Variants in EPB41L3 observed in about 807,000 individuals in gnomAD.
EPB41L3 encodes the protein erythrocyte membrane protein band 4.1 like 3.
In EPB41L3, 57 loss-of-function variants were observed where a neutral mutation model predicts 127.1. That is an observed-to-expected ratio of 0.45 (90% CI 0.36 to 0.56). EPB41L3 has a LOEUF of 0.56. EPB41L3 is among the 20% of genes least tolerant of loss of function. The pLI, the probability that EPB41L3 is intolerant of heterozygous loss-of-function variation, is 0.00. For missense variants in EPB41L3, 1,273 were observed against 1,372.2 expected (o/e 0.93, Z 1.14); for synonymous variants, 572 against 549.5 (o/e 1.04, Z -0.57).
At chr18:5,419,649 A>C in intron 12 of EPB41L3, 62 bp downstream of exon 12, 2 of 1,601,408 alleles carry the variant, frequency 1.2e-6, no homozygotes, top group Non-Finnish European at 1.7e-6. Context: ...TTACAGCCTC[A>C]GCATCATTTA....
chr18:5,544,277 C>T (rs1280130068), upstream of EPB41L3: 6 of 985,436 alleles, frequency 6.1e-6, no homozygotes, highest in South Asian at 2.3e-4. Context: ...TAGCTTTAGC[C>T]CTTTATTCCC....
intron 11 of EPB41L3, among the ~76,000 whole-genome samples, chr18:5,421,015 T>A (rs1408554910): frequency 1.3e-5 from 2 of 152,214 alleles, no homozygotes; most frequent in African/African-American, 4.8e-5. Flanking sequence ...CTCTGTGAGA[T>A]GCAACCTTGC....
chr18:5,514,305 T>A (rs576961790), intron 1 of EPB41L3, among the ~76,000 whole-genome samples: 37 of 152,346 alleles, frequency 2.4e-4, no homozygotes, highest in African/African-American at 7.9e-4. Flanking sequence ...AGTTCATATA[T>A]GTTTTTATAT....
chr18:5,530,836 C>G (rs1211123911), intron 1 of EPB41L3, among the ~76,000 whole-genome samples: 1 of 152,158 alleles, frequency 6.6e-6, no homozygotes, highest in Non-Finnish European at 1.5e-5. Flanking sequence ...ACTTGGGAGG[C>G]AACAATTAAT....
intron 3 of EPB41L3, among the ~76,000 whole-genome samples, chr18:5,552,197 A>G (rs896989446): frequency 1.6e-4 from 25 of 152,380 alleles, no homozygotes; most frequent in African/African-American, 6.0e-4. Context: ...AGTGCCTGCC[A>G]TCAGATTTGT....
chr18:5,519,906 C>T (rs2092917493), intron 1 of EPB41L3, among the ~76,000 whole-genome samples: 1 of 152,154 alleles, frequency 6.6e-6, no homozygotes. Context: ...ATCTGCACAG[C>T]ACTGTACAAA....
chr18:5,400,322 C>A, intron 16 of EPB41L3: 1 of 322,960 alleles, frequency 3.1e-6, no homozygotes, highest in South Asian at 2.5e-5. Context: ...AGATATCAAA[C>A]CAGGAGCAGG....
intron 3 of EPB41L3, among the ~76,000 whole-genome samples, chr18:5,556,887 A>G (rs953258923): frequency 6.6e-6 from 1 of 152,310 alleles, no homozygotes; most frequent in African/African-American, 2.4e-5. Flanking sequence ...GCACTCAGTA[A>G]GCTCTCAATG....
In EPB41L3 at chr18:5,428,323, C is replaced by A. The variant is rs377615645; in HGVS notation, c.1055G>T (p.Arg352Leu). ...TGTGGGTATACTTACCTCTCCCGGC[C>A]GGATCTTAATGTAAAAGTTGTTCCG... ...YKRNNFYIKI[R>L]PGEFEQFEST... Residue 352 changes from arginine to leucine, a missense_variant, in exon 9 of 23, where the codon CGG becomes CTG. This residue lies in a region of EPB41L3 where 326 missense variants were observed against 440.2 expected (regional missense o/e 0.74). Coordinates refer to ENST00000341928, the MANE Select transcript of EPB41L3 (RefSeq NM_012307.5). 2 of 1,613,964 alleles carry A rather than the reference C, an allele frequency of 1.2e-6. No homozygotes were observed. Among genetic ancestry groups the A allele is most frequent in the African/African-American group, 1.3e-5 (1 of 74,886 alleles).
Position 5,543,660 on chromosome 18 carries a change from C to G in EPB41L3, c.-12+253G>C, listed in dbSNP as rs1454192583. On this transcript the variant is annotated intron_variant, in intron 1 of 22. Transcript: ENST00000341928. The surrounding 1 kb of genome is among the most constrained non-coding windows in gnomAD (Gnocchi z 5.2). The stretch of plus-strand genomic sequence containing the variant: ...CGCGCCGGCCCAGCCACTACTGCGC[C>G]GCGGCGGGCGGAGCGGGCGGGGGGC... 3.1e-4 allele frequency among the ~76,000 whole-genome samples: 45 copies of G among 147,022 alleles called. No homozygotes were observed. Among genetic ancestry groups the G allele is most frequent in the African/African-American group, 1.1e-3 (45 of 40,994 alleles).
intron 3 of EPB41L3, chr18:5,466,493 A>G (rs1022760309): frequency 6.6e-6 from 1 of 152,146 alleles, no homozygotes; most frequent in Admixed American, 6.5e-5. Context: ...AGCATACTAT[A>G]TTTCATTCTT....
rs373933704 is a variant in EPB41L3, at chr18:5,446,749, G to A, written c.382-1505C>T. Reference sequence around the variant, plus strand: ...CTAAATCATAGCTAGCTAAATAATCGATGATGTATTTGGAAAAAACAGTTC... The same window carrying A: ...CTAAATCATAGCTAGCTAAATAATCAATGATGTATTTGGAAAAAACAGTTC... On this transcript the variant is annotated intron_variant, in intron 3 of 22. Transcript: ENST00000341928. Among the ~76,000 whole-genome samples the A allele has an allele frequency of 2.6e-5, 4 of 152,214 alleles. No individual in the cohort carries two copies. The East Asian group carries it at 5.8e-4, about 22-fold the overall frequency.
At chr18:5,563,195 G>T (rs1263011952) in intron 3 of EPB41L3, among the ~76,000 whole-genome samples, 1 of 152,182 alleles carries the variant, frequency 6.6e-6, no homozygotes, top group African/African-American at 2.4e-5. Context: ...AAGAAGAGAG[G>T]ACGGGAACAT....
At chr18:5,533,998 A>G (rs1330429183) in intron 1 of EPB41L3, among the ~76,000 whole-genome samples, 1 of 152,074 alleles carries the variant, frequency 6.6e-6, no homozygotes, top group Non-Finnish European at 1.5e-5. Flanking sequence ...CCCCGTCTCC[A>G]CTAAAATACA....
At chr18:5,548,553 G>A (rs567750995), upstream of EPB41L3, among the ~76,000 whole-genome samples, 1 of 152,206 alleles carries the variant, frequency 6.6e-6, no homozygotes, top group African/African-American at 2.4e-5. Context: ...ATAAAGAATA[G>A]ACTTAAAGGT....
At chr18:5,599,123 A>C (rs968626960) in intron 3 of EPB41L3, among the ~76,000 whole-genome samples, 1 of 152,228 alleles carries the variant, frequency 6.6e-6, no homozygotes, top group Non-Finnish European at 1.5e-5. Flanking sequence ...AACCTAGATA[A>C]ATCATTTGAT....
intron 1 of EPB41L3, among the ~76,000 whole-genome samples, chr18:5,512,353 A>G (rs1214985495): frequency 6.6e-6 from 1 of 152,178 alleles, no homozygotes; most frequent in Non-Finnish European, 1.5e-5. Flanking sequence ...TTTCCTTCCA[A>G]GAGAAAGTGA....
intron 1 of EPB41L3, among the ~76,000 whole-genome samples, chr18:5,505,756 T>A (rs1368257322): frequency 1.5e-3 from 28 of 19,240 alleles, no homozygotes; most frequent in South Asian, 2.5e-3. Flanking sequence ...CTCCACCCCT[T>A]CCCTCCACAC....
intron 3 of EPB41L3, among the ~76,000 whole-genome samples, chr18:5,561,197 AAG>A (rs2094129928): frequency 6.6e-6 from 1 of 151,744 alleles, no homozygotes. Context: ...CAGGATGGTC[AAG>A]ATCTCCTGAC....
Sources: gnomAD v4.1 joint callset for allele counts (sites outside exome capture counted in the v4.1 genomes callset) on GRCh38, gnomAD v4.1.1 for gene constraint, gnomAD v4.1.1 regional missense constraint, Gnocchi (gnomAD v3.1) non-coding constraint, MANE v1.5 for transcripts, NCBI Gene and HGNC (gene_info 2026-07-23, HGNC 2026-07-21) for gene names.